Variants in ITPR1 observed in about 807,000 individuals in gnomAD.
ITPR1 encodes the protein inositol 1,4,5-trisphosphate receptor type 1.
ITPR1 carries 96 observed loss-of-function variants against 318.4 expected under a neutral mutation model. The ratio of observed to expected loss-of-function variants is 0.30; its 90% CI spans 0.26 to 0.36. The LOEUF is 0.36. ITPR1 is among the 10% of genes least tolerant of loss of function. ITPR1 has a pLI of 1.00. For missense variants in ITPR1, 2,440 were observed against 3,460.2 expected (o/e 0.71, Z 7.40); for synonymous variants, 1,312 against 1,289.9 (o/e 1.02, Z -0.37).
Position 4,779,771 on chromosome 3 carries a change from T to C in ITPR1, c.6387+126T>C. 1 of 593,940 alleles carries C rather than the reference T, an allele frequency of 1.7e-6. No individual in the cohort carries two copies. Among genetic ancestry groups the C allele is most frequent in the Non-Finnish European group, 3.0e-6 (1 of 329,582 alleles). The allele number at this position is 593,940 out of a possible 1,614,324, so 36.8% of individuals were successfully genotyped here. ...CAAAGTCAGAAGTATAAAGGGAACA[T>C]TGAATTCAGGCCTCTGACTGAGTAG... On this transcript the variant is annotated intron_variant, in intron 49 of 61. Coordinates refer to ENST00000649015, the MANE Select transcript of ITPR1 (RefSeq NM_001378452.1). The surrounding 1 kb of genome is among the most constrained non-coding windows in gnomAD (Gnocchi z 4.0).
At chr3:4,706,389 G>A (rs761328967) in intron 37 of ITPR1, 38 bp downstream of exon 37, 1 of 1,551,304 alleles carries the variant, frequency 6.4e-7, no homozygotes, top group Admixed American at 1.8e-5. Flanking sequence ...GCTTAGCCTG[G>A]CCTCACGTGA....
At position 4,795,045 on chromosome 3, in the gene ITPR1, CT is replaced by C; in HGVS notation, c.6809-17del. The C allele has an allele frequency of 1.3e-6, 2 of 1,592,028 alleles. No individual in the cohort carries two copies. Among genetic ancestry groups the C allele is most frequent in the Non-Finnish European group, 1.7e-6 (2 of 1,166,090 alleles). On this transcript the variant is annotated intron_variant, in intron 52 of 61. Transcript: ENST00000649015. ...GCTTGGGGTCTCCAGCCTCACGCGG[CT>C]TTGCCTTTGTCTCTGCAGCCCAGCC...
intron 45 of ITPR1, among the ~76,000 whole-genome samples, chr3:4,767,059 T>C (rs532946286): frequency 6.6e-6 from 1 of 152,364 alleles, no homozygotes. Context: ...CAGATAATGT[T>C]CTTTTGTTTT....
At chr3:4,544,569 T>C (rs959097846) in intron 4 of ITPR1, among the ~76,000 whole-genome samples, 3 of 152,246 alleles carry the variant, frequency 2.0e-5, no homozygotes, top group African/African-American at 7.2e-5. Context: ...TTGTTAGTGA[T>C]GCCTTAGTTT....
At chr3:4,831,125 T>TCACACACACA (rs752873214) in intron 60 of ITPR1, 2,357 of 214,902 alleles carry the variant, frequency 0.011, 8 homozygotes, top group Admixed American at 0.014. Flanking sequence ...TCTCTCTCTC[T>TCACACACACA]CTCTCTCACA....
At chr3:4,629,941 A>G (rs1339667103) in intron 5 of ITPR1, among the ~76,000 whole-genome samples, 3 of 152,172 alleles carry the variant, frequency 2.0e-5, no homozygotes, top group Non-Finnish European at 4.4e-5. Flanking sequence ...GACTTCTGGA[A>G]TTGCATCGTT....
chr3:4,652,818 G>A (rs2093625469), intron 11 of ITPR1, among the ~76,000 whole-genome samples: 1 of 152,114 alleles, frequency 6.6e-6, no homozygotes, highest in South Asian at 2.1e-4. Flanking sequence ...CCAAAATGGT[G>A]AAACCCCGTC....
At chr3:4,611,417 G>A (rs1490242108) in intron 4 of ITPR1, among the ~76,000 whole-genome samples, 1 of 151,630 alleles carries the variant, frequency 6.6e-6, no homozygotes, top group Non-Finnish European at 1.5e-5. Flanking sequence ...GAATTTAGCT[G>A]GGCATGGTGG....
At chr3:4,533,354 A>T (rs2083576040) in intron 4 of ITPR1, among the ~76,000 whole-genome samples, 1 of 152,180 alleles carries the variant, frequency 6.6e-6, no homozygotes. Flanking sequence ...CATGGGTTCA[A>T]GTCCCTGCCC....
chr3:4,518,916 T>G lies in ITPR1; in HGVS notation c.93-2108T>G, dbSNP rs145939739. Among the ~76,000 whole-genome samples the G allele has an allele frequency of 8.1e-3, 1,239 of 152,310 alleles. 22 individuals are homozygous for G. The highest frequency in any genetic ancestry group is 0.028 in the African/African-American group (1,162 of 41,582). On this transcript the variant is annotated intron_variant, in intron 3 of 61. Transcript: ENST00000649015. ...TGGGCAATATAGCAAGAACCCTGTC[T>G]CTTTATAAAAACAAGACGGGCAGGA...
intron 4 of ITPR1, among the ~76,000 whole-genome samples, chr3:4,534,621 C>G (rs2083695121): frequency 6.6e-6 from 1 of 152,184 alleles, no homozygotes; most frequent in Non-Finnish European, 1.5e-5. Flanking sequence ...ATTCCTCTAA[C>G]TGAGATTTAA....
chr3:4,642,015 G>A, intron 6 of ITPR1, 78 bp from the exon 7 acceptor site: 1 of 1,198,012 alleles, frequency 8.3e-7, no homozygotes, highest in Non-Finnish European at 1.1e-6. Flanking sequence ...TTGCTACATA[G>A]TTGGTATGAT....
intron 37 of ITPR1, among the ~76,000 whole-genome samples, chr3:4,706,687 C>A (rs1403821406): frequency 6.6e-6 from 1 of 152,132 alleles, no homozygotes; most frequent in East Asian, 1.9e-4. Flanking sequence ...CCCCATCACT[C>A]TGGGGTTATT....
At chr3:4,603,425 T>C (rs2091448417) in intron 4 of ITPR1, among the ~76,000 whole-genome samples, 1 of 152,028 alleles carries the variant, frequency 6.6e-6, no homozygotes, top group Non-Finnish European at 1.5e-5. Flanking sequence ...TTCTTTTTTA[T>C]TTTTGGTTTT....
chr3:4,583,552 G>A (rs552602795), intron 4 of ITPR1, among the ~76,000 whole-genome samples: 14 of 152,298 alleles, frequency 9.2e-5, no homozygotes, highest in Admixed American at 3.9e-4. Context: ...ATCCAGGCTA[G>A]TGGAATTGAG....
intron 7 of ITPR1, among the ~76,000 whole-genome samples, chr3:4,643,800 T>C (rs921234466): frequency 1.3e-5 from 2 of 152,140 alleles, no homozygotes; most frequent in Non-Finnish European, 2.9e-5. Context: ...TCTGACTCTA[T>C]CTTGTTTTTT....
chr3:4,791,653 A>C (rs931277354), intron 52 of ITPR1, among the ~76,000 whole-genome samples: 4 of 152,010 alleles, frequency 2.6e-5, no homozygotes, highest in Non-Finnish European at 5.9e-5. Context: ...GTAAGCTATG[A>C]CTCCTCCTGT....
At chr3:4,766,401 T>C (rs904211690) in intron 44 of ITPR1, 129 bp from the exon 45 acceptor site, 2 of 693,546 alleles carry the variant, frequency 2.9e-6, no homozygotes, top group African/African-American at 3.5e-5. Context: ...GTCCTTAATG[T>C]TGATCTAAAC....
At chr3:4,533,646 AACTC>A (rs2083603039) in intron 4 of ITPR1, among the ~76,000 whole-genome samples, 1 of 152,240 alleles carries the variant, frequency 6.6e-6, no homozygotes, top group Non-Finnish European at 1.5e-5. Flanking sequence ...CCGTTTTAAA[AACTC>A]AGCCAGTGGA....
Sources: allele counts gnomAD v4.1 joint callset (sites outside exome capture counted in the v4.1 genomes callset), GRCh38; gene constraint gnomAD v4.1.1; non-coding constraint Gnocchi (gnomAD v3.1); transcripts MANE v1.5; gene names NCBI Gene and HGNC (gene_info 2026-07-23, HGNC 2026-07-21).